The following CEP350 variants were observed in gnomAD, a reference collection of about 807,000 sequenced individuals.
The protein encoded by CEP350 is centrosomal protein 350.
CEP350 carries 126 observed loss-of-function variants against 331.8 expected under a neutral mutation model. That is an observed-to-expected ratio of 0.38 (90% CI 0.33 to 0.44). The LOEUF (loss-of-function observed/expected upper bound fraction) is 0.44. Ranked by LOEUF, CEP350 falls within the 20% of genes least tolerant of loss-of-function variation. CEP350 has a pLI of 1.00. For missense variants in CEP350, 3,406 were observed against 3,634.6 expected (o/e 0.94, Z 1.62); for synonymous variants, 1,200 against 1,259.5 (o/e 0.95, Z 1.00).
intron 34 of CEP350, 47 bp downstream of exon 34, chr1:180,094,663 T>C (rs1288353495): frequency 2.6e-6 from 4 of 1,558,132 alleles, no homozygotes; most frequent in African/African-American, 1.4e-5. Flanking sequence ...TTTGACACTT[T>C]TAACAAGGCA....
chr1:180,007,839 C>CTGTGT (rs764023425), intron 8 of CEP350, among the ~76,000 whole-genome samples: 1 of 140,908 alleles, frequency 7.1e-6, no homozygotes, highest in African/African-American at 2.6e-5. Flanking sequence ...TTTTATGTAT[C>CTGTGT]GTGTGTGTGT....
chr1:180,041,246 C>G lies in CEP350; in HGVS notation c.4219C>G (p.Gln1407Glu). Residue 1407 changes from glutamine to glutamate, a missense_variant and splice_region_variant, in exon 18 of 38, where the codon CAG becomes GAG. This residue lies in a region of CEP350 where 1,857 missense variants were observed against 1,909.2 expected (regional missense o/e 0.97). Transcript: ENST00000367607. ...AGAAGAAACCCGAAACAAAGCAGCT[C>G]AGGTAACTTATTTTGCAGCAGGTTC... ...QLEETRNKAA[Q>E]VHAESLQQVV... 6.4e-7 allele frequency: 1 copy of G among 1,571,350 alleles called. No individual in the cohort carries two copies. Among genetic ancestry groups the G allele is most frequent in the South Asian group, 1.2e-5 (1 of 82,708 alleles).
intron 1 of CEP350, among the ~76,000 whole-genome samples, chr1:179,980,766 A>AT (rs1048641260): frequency 1.3e-5 from 2 of 151,882 alleles, no homozygotes; most frequent in Non-Finnish European, 2.9e-5. Flanking sequence ...ACCATTTCTT[A>AT]TTTTTAATTT....
chr1:180,102,806 T>G (rs979090100), intron 37 of CEP350, among the ~76,000 whole-genome samples: 1 of 152,248 alleles, frequency 6.6e-6, no homozygotes, highest in African/African-American at 2.4e-5. Flanking sequence ...TATAGAATTT[T>G]AAGTTGATAG....
At chr1:180,031,089 T>C (rs1392287164) in intron 14 of CEP350, among the ~76,000 whole-genome samples, 1 of 152,058 alleles carries the variant, frequency 6.6e-6, no homozygotes, top group East Asian at 1.9e-4. Context: ...TAAGAATGAT[T>C]TATTAATAGC....
intron 17 of CEP350, among the ~76,000 whole-genome samples, chr1:180,039,401 T>A (rs1281575121): frequency 6.6e-6 from 1 of 152,206 alleles, no homozygotes; most frequent in Admixed American, 6.5e-5. Flanking sequence ...AAAAGCTTTA[T>A]AATTTTATCT....
intron 7 of CEP350, among the ~76,000 whole-genome samples, chr1:180,003,562 T>C (rs1229684562): frequency 1.3e-5 from 2 of 152,164 alleles, no homozygotes; most frequent in African/African-American, 4.8e-5. Flanking sequence ...GAAGGAAACA[T>C]AGCAGAATTT....
chr1:180,095,890 G>C lies in CEP350; in HGVS notation c.8879G>C (p.Gly2960Ala), dbSNP rs769617310. 13 of 1,610,022 alleles carry C rather than the reference G, an allele frequency of 8.1e-6. No homozygotes were observed. The highest frequency in any genetic ancestry group is 3.4e-5 in the Admixed American group (2 of 59,102). ...AAACTGCTTGGCTGTGCCAGTAAAG[G>C]TCTAGATATAGAAAGCACTAGTAAA... ...PTKLLGCASKGLDIESTSKRV... is the reference protein window; with the variant it reads ...PTKLLGCASKALDIESTSKRV... The change falls in exon 35 of 38, where the codon GGT becomes GCT. Residue 2960 changes from glycine to alanine, a missense_variant. Around this residue, in one of 5 missense-constraint regions of CEP350, gnomAD observed 1,415 missense variants for 1,512.3 expected, o/e 0.94. Coordinates refer to ENST00000367607, the MANE Select transcript of CEP350 (RefSeq NM_014810.5).
intron 14 of CEP350, among the ~76,000 whole-genome samples, chr1:180,028,398 C>G (rs925498762): frequency 1.2e-4 from 19 of 152,182 alleles, no homozygotes; most frequent in Non-Finnish European, 1.9e-4. Context: ...AGTGTCTCAC[C>G]TAAGGTCACT....
intron 1 of CEP350, among the ~76,000 whole-genome samples, chr1:179,956,288 C>G (rs1288780485): frequency 6.6e-6 from 1 of 152,116 alleles, no homozygotes; most frequent in East Asian, 1.9e-4. Context: ...ATTTAAGATA[C>G]TGTAATCTGA....
At chr1:180,039,152 C>T (rs1011800940) in intron 17 of CEP350, among the ~76,000 whole-genome samples, 83 of 150,394 alleles carry the variant, frequency 5.5e-4, no homozygotes, top group African/African-American at 2.0e-3. Context: ...GTGGTGGTAG[C>T]GGTTGGCTAA....
chr1:180,102,798 T>C (rs968312952), intron 37 of CEP350, among the ~76,000 whole-genome samples: 1 of 152,224 alleles, frequency 6.6e-6, no homozygotes, highest in African/African-American at 2.4e-5. Context: ...TAGCTGTATA[T>C]AGAATTTTAA....
At chr1:180,015,821 A>AT (rs1654936333) in intron 10 of CEP350, 28 bp from the exon 11 acceptor site, 2 of 1,602,608 alleles carry the variant, frequency 1.2e-6, no homozygotes, top group Non-Finnish European at 1.7e-6. Context: ...GACAGAACTC[A>AT]TATAAATTTG....
intron 5 of CEP350, among the ~76,000 whole-genome samples, chr1:179,994,868 C>T (rs1012393600): frequency 2.6e-5 from 4 of 152,112 alleles, no homozygotes; most frequent in African/African-American, 7.2e-5. Context: ...AAAATGCACA[C>T]GCTCATATGA....
At chr1:179,997,320 T>A (rs1036505271) in intron 6 of CEP350, 145 bp downstream of exon 6, 5 of 880,418 alleles carry the variant, frequency 5.7e-6, no homozygotes, top group Admixed American at 5.1e-5. Context: ...GGTGGGCGGA[T>A]CATGAGGTCG....
At position 180,114,599 on chromosome 1, in the gene CEP350, C is replaced by G. The variant is rs1427610238; in HGVS notation, c.*3438C>G. The G allele has an allele frequency of 6.6e-6, 1 of 152,638 alleles. No homozygotes were observed. The allele number at this position is 152,638 out of a possible 1,614,324, so 9.5% of individuals were successfully genotyped here. On this transcript the variant is annotated 3_prime_UTR_variant, in exon 38 of 38. Coordinates refer to ENST00000367607, the MANE Select transcript of CEP350 (RefSeq NM_014810.5). ...TGGCAAACACATTGCAAAGCATTCTCTGGGAGGTTCAGCCTCCTTGTGTGT... is the reference window on the plus strand; with the variant it reads ...TGGCAAACACATTGCAAAGCATTCTGTGGGAGGTTCAGCCTCCTTGTGTGT...
chr1:180,086,640 G>A (rs558026638), intron 31 of CEP350, among the ~76,000 whole-genome samples: 1 of 152,022 alleles, frequency 6.6e-6, no homozygotes, highest in Admixed American at 6.5e-5. Flanking sequence ...ACTCATATAT[G>A]TATAGCTTTC....
At position 180,027,844 on chromosome 1, in the gene CEP350, C is replaced by T. The variant is rs138087565; in HGVS notation, c.3550+3262C>T. The stretch of plus-strand genomic sequence containing the variant: ...CTGTTTTTTTCCTATAGGGGAAAAT[C>T]CTAGAGATAAGATAATGGGGCAAAT... On this transcript the variant is annotated intron_variant, in intron 14 of 37. Coordinates refer to ENST00000367607, the MANE Select transcript of CEP350 (RefSeq NM_014810.5). 6.4e-3 allele frequency among the ~76,000 whole-genome samples: 977 copies of T among 152,084 alleles called. 4 individuals carry two copies. Among genetic ancestry groups the T allele is most frequent in the South Asian group, 8.1e-3 (39 of 4,818 alleles).
intron 15 of CEP350, 117 bp downstream of exon 15, chr1:180,031,611 A>G (rs1656026773): frequency 4.8e-6 from 2 of 420,216 alleles, no homozygotes; most frequent in African/African-American, 4.1e-5. Flanking sequence ...TGTCTGAGCT[A>G]CTACAAAATT....
Sources: allele counts gnomAD v4.1 joint callset (sites outside exome capture counted in the v4.1 genomes callset), GRCh38; gene constraint gnomAD v4.1.1; regional missense constraint gnomAD v4.1.1; transcripts MANE v1.5; gene names NCBI Gene and HGNC (gene_info 2026-07-23, HGNC 2026-07-21).